ROBO1: variants seen among roughly 807,000 people sequenced by gnomAD.
ROBO1 encodes the protein roundabout guidance receptor 1.
In ROBO1, 149 loss-of-function variants were observed where a neutral mutation model predicts 195.9. The observed-to-expected ratio is 0.76, with a 90% CI of 0.67 to 0.87. The LOEUF (loss-of-function observed/expected upper bound fraction) is 0.87. ROBO1 is among the 40% of genes least tolerant of loss of function. The pLI is 0.00. For missense variants in ROBO1, 1,933 were observed against 2,068.3 expected, an observed-to-expected ratio of 0.93 and a Z score of 1.27; for synonymous variants, 816 against 733.2, an observed-to-expected ratio of 1.11 and a Z score of -1.82.
intron 2 of ROBO1, among the ~76,000 whole-genome samples, chr3:79,182,144 T>G (rs1020753872): frequency 3.7e-4 from 57 of 152,186 alleles, no homozygotes; most frequent in Middle Eastern, 3.2e-3. Context: ...GCAGTTGATA[T>G]TCACTATTTT....
intron 2 of ROBO1, among the ~76,000 whole-genome samples, chr3:79,370,223 G>A (rs1372528378): frequency 1.3e-5 from 2 of 151,580 alleles, no homozygotes; most frequent in African/African-American, 2.4e-5. Flanking sequence ...AGCCAGGAGT[G>A]GGCATGTGCC....
At position 78,600,267 on chromosome 3, in the gene ROBO1, T is replaced by C. The variant is rs773021108; in HGVS notation, c.4787A>G (p.Asn1596Ser). The stretch of plus-strand genomic sequence containing the variant: ...TGAGGAACTGGGATCTCTGGGATTA[T>C]TTGATGTTGGAAAAGTAGGTCTACA... ...PYCRPTFPTSNNPRDPSSSSS... is the reference protein window; with the variant it reads ...PYCRPTFPTSSNPRDPSSSSS... Residue 1596 changes from asparagine (N) to serine (S), a missense_variant, in exon 30 of 31, where the codon AAT becomes AGT. Asn to Ser is a conservative substitution (Grantham distance 46). Transcript: ENST00000464233. The C allele has an allele frequency of 6.2e-7, 1 of 1,613,230 alleles. No homozygotes were observed. Among genetic ancestry groups the C allele is most frequent in the East Asian group, 2.2e-5 (1 of 44,838 alleles).
chr3:79,617,925 A>T (rs768949753), intron 1 of ROBO1, among the ~76,000 whole-genome samples: 41,555 of 145,420 alleles, frequency 0.29, 6,917 homozygotes, highest in African/African-American at 0.47. Context: ...ATATATTAAA[A>T]AAAAAAAAAA....
At chr3:79,243,851 A>C (rs1186247072) in intron 2 of ROBO1, among the ~76,000 whole-genome samples, 4 of 151,912 alleles carry the variant, frequency 2.6e-5, no homozygotes, top group Non-Finnish European at 5.9e-5. Flanking sequence ...CCCATTTGTC[A>C]ATTTTGGCTT....
intron 26 of ROBO1, among the ~76,000 whole-genome samples, chr3:78,626,610 C>T (rs1346041120): frequency 6.6e-6 from 1 of 151,962 alleles, no homozygotes; most frequent in Non-Finnish European, 1.5e-5. Context: ...AAATCATCAA[C>T]AATGAGAGAA....
At chr3:79,464,769 CTT>C (rs1291223326) in intron 2 of ROBO1, among the ~76,000 whole-genome samples, 1 of 151,998 alleles carries the variant, frequency 6.6e-6, no homozygotes, top group Non-Finnish European at 1.5e-5. Context: ...TTTTTTGTCA[CTT>C]ATGTGCTATG....
In ROBO1 at chr3:79,463,325, A is replaced by G. The variant is rs374217630; in HGVS notation, c.88+126499T>C. ...AGGAGTCAGAGCTTGCAGTGAGCTG[A>G]GGTCGCGCCACTGCACTCCAGCCTG... On this transcript the variant is annotated intron_variant, in intron 2 of 30. Coordinates refer to ENST00000464233, the MANE Select transcript of ROBO1 (RefSeq NM_002941.4). Among the ~76,000 whole-genome samples the G allele has an allele frequency of 3.0e-3, 453 of 151,646 alleles. 2 individuals carry two copies. Among genetic ancestry groups the G allele is most frequent in the African/African-American group, 9.6e-3 (398 of 41,330 alleles).
At chr3:79,740,164 T>C (rs9847684) in intron 1 of ROBO1, among the ~76,000 whole-genome samples, 128,990 of 147,760 alleles carry the variant, frequency 0.87, 56,363 homozygotes, top group East Asian at 0.89. Context: ...TGCTTCAGAC[T>C]TAGTAATCTC....
chr3:79,705,508 T>C (rs1947743130), intron 1 of ROBO1, among the ~76,000 whole-genome samples: 1 of 152,084 alleles, frequency 6.6e-6, no homozygotes, highest in Admixed American at 6.6e-5. Context: ...TGGCTTTATT[T>C]CTGGGCTCTC....
At chr3:79,380,976 G>C (rs1427110440) in intron 2 of ROBO1, among the ~76,000 whole-genome samples, 1 of 152,144 alleles carries the variant, frequency 6.6e-6, no homozygotes, top group Non-Finnish European at 1.5e-5. Flanking sequence ...CCCTCCATTT[G>C]GTTGCAGACA....
At position 79,394,903 on chromosome 3, in the gene ROBO1, A is replaced by G. The variant is rs556665277; in HGVS notation, c.88+194921T>C. 2.0e-5 allele frequency among the ~76,000 whole-genome samples: 3 copies of G among 152,346 alleles called. No homozygotes were observed. The South Asian group carries it at 6.2e-4, about 32-fold the overall frequency. ...ACAAATTCTATTTTATTAGGGTAAC[A>G]CACATAAAATTCACAGAATGTGGCT... On this transcript the variant is annotated intron_variant, in intron 2 of 30. Coordinates refer to ENST00000464233, the MANE Select transcript of ROBO1 (RefSeq NM_002941.4).
chr3:78,904,513 C>T (rs1291049412), intron 4 of ROBO1, among the ~76,000 whole-genome samples: 1 of 152,008 alleles, frequency 6.6e-6, no homozygotes, highest in Non-Finnish European at 1.5e-5. Flanking sequence ...ATATGTCATT[C>T]TCTACTCCAG....
In ROBO1 at chr3:78,754,576, A is replaced by ACAGGAGGTATCCAGTAAT. The variant is rs2082879804; in HGVS notation, c.500-7677_500-7676insATTACTGGATACCTCCTG. On this transcript the variant is annotated intron_variant, in intron 4 of 30. Transcript: ENST00000464233. ...CCCTAGTATTTCCAGTGCCCAGGAC[A>ACAGGAGGTATCCAGTAAT]ACATCCAAGACACAGGAGGTATCCA... Among the ~76,000 whole-genome samples the ACAGGAGGTATCCAGTAAT allele has an allele frequency of 3.3e-5, 5 of 152,324 alleles. 1 individual carries two copies. The East Asian group carries it at 5.8e-4, about 18-fold the overall frequency.
rs750158094 is a variant in ROBO1, at chr3:78,963,494, G to GTTTTTTTTTTTTTTTTTTTTT, written c.173-24588_173-24568dup. 6.2e-4 allele frequency among the ~76,000 whole-genome samples: 45 copies of GTTTTTTTTTTTTTTTTTTTTT among 72,310 alleles called. 7 individuals carry two copies. The highest frequency in any genetic ancestry group is 2.4e-3 in the Admixed American group (10 of 4,216). The allele number at this position is 72,310 out of a possible 152,430, so 47.4% of individuals were successfully genotyped here. On this transcript the variant is annotated intron_variant, in intron 3 of 30. Coordinates refer to ENST00000464233, the MANE Select transcript of ROBO1 (RefSeq NM_002941.4). ...GAGAAGATCCAGAGGAAAACCTTCA[G>GTTTTTTTTTTTTTTTTTTTTT]TTTTTTTTTTTTTTTTTTTTTTTTT...
At chr3:78,633,036 G>A (rs1158872761) in intron 24 of ROBO1, among the ~76,000 whole-genome samples, 8 of 152,184 alleles carry the variant, frequency 5.3e-5, no homozygotes, top group Admixed American at 3.9e-4. Flanking sequence ...GCTAGACAAT[G>A]CCAGACCAGC....
chr3:79,730,367 T>C (rs1379566030), intron 1 of ROBO1, among the ~76,000 whole-genome samples: 3 of 152,232 alleles, frequency 2.0e-5, no homozygotes, highest in Non-Finnish European at 4.4e-5. Context: ...ATCTGATTCC[T>C]ATGTAATTAT....
intron 2 of ROBO1, among the ~76,000 whole-genome samples, chr3:79,566,813 A>T (rs1357401824): frequency 6.6e-6 from 1 of 152,140 alleles, no homozygotes. Flanking sequence ...AAAGAAAGGA[A>T]CATGTATATA....
chr3:78,711,788 C>G (rs1480249826), intron 8 of ROBO1, among the ~76,000 whole-genome samples: 2 of 150,898 alleles, frequency 1.3e-5, no homozygotes, highest in African/African-American at 4.9e-5. Flanking sequence ...CACGCCCGGC[C>G]CCCTGTGCTG....
At chr3:78,891,240 G>C (rs1185975709) in intron 4 of ROBO1, among the ~76,000 whole-genome samples, 1 of 152,128 alleles carries the variant, frequency 6.6e-6, no homozygotes, top group Non-Finnish European at 1.5e-5. Flanking sequence ...GAAGGCACTG[G>C]AGAGTGACTA....
Sources: gnomAD v4.1 joint callset for allele counts (sites outside exome capture counted in the v4.1 genomes callset) on GRCh38, gnomAD v4.1.1 for gene constraint, MANE v1.5 for transcripts, NCBI Gene and HGNC (gene_info 2026-07-23, HGNC 2026-07-21) for gene names.